Variants in FBXO17 observed in about 807,000 individuals in gnomAD.
FBXO17 encodes the protein F-box protein 17, also known as F-box only protein 17.
A neutral mutation model predicts 34.1 loss-of-function variants in FBXO17; 43 were observed. That is an observed-to-expected ratio of 1.26 (90% CI 0.99 to 1.62). The LOEUF is 1.62. Among genes scored for constraint, FBXO17 ranks in the 40% most tolerant of loss-of-function variants. The pLI, the probability that FBXO17 is intolerant of heterozygous loss-of-function variation, is 0.00. For synonymous variants in FBXO17, 169 were observed against 166.0 expected (o/e 1.02, Z -0.14); for missense variants, 424 against 386.7 (o/e 1.10, Z -0.81).
chr19:38,948,409 C>T (rs999306231), intron 3 of FBXO17, among the ~76,000 whole-genome samples, 158 bp downstream of exon 3: 2 of 152,176 alleles, frequency 1.3e-5, no homozygotes, highest in African/African-American at 4.8e-5. Flanking sequence ...TGAAACAGTA[C>T]CCTCAACAAG....
intron 1 of FBXO17, among the ~76,000 whole-genome samples, chr19:38,955,694 G>A (rs191596114): frequency 1.2e-4 from 18 of 151,886 alleles, no homozygotes; most frequent in African/African-American, 4.3e-4. Context: ...ATGTTGCCCA[G>A]GCTGGTCTTA....
At chr19:38,948,331 G>A (rs1054936122) in intron 3 of FBXO17, among the ~76,000 whole-genome samples, 5 of 152,228 alleles carry the variant, frequency 3.3e-5, no homozygotes, top group Admixed American at 2.6e-4. Context: ...AACTGCAGGC[G>A]ATGATGCACA....
intron 1 of FBXO17, among the ~76,000 whole-genome samples, chr19:38,973,963 A>G (rs1377939894): frequency 2.0e-5 from 3 of 148,984 alleles, no homozygotes; most frequent in African/African-American, 7.4e-5. Context: ...AGCCTGGGCA[A>G]CACAGTTTTG....
chr19:38,960,876 C>T (rs1374169975), intron 1 of FBXO17, among the ~76,000 whole-genome samples: 4 of 146,566 alleles, frequency 2.7e-5, no homozygotes, highest in Admixed American at 1.4e-4. Flanking sequence ...GCATGATCTC[C>T]GCTCACTGCA....
At chr19:38,946,275 G>T in intron 4 of FBXO17, 197 bp downstream of exon 4, 1 of 912,234 alleles carries the variant, frequency 1.1e-6, no homozygotes, top group Non-Finnish European at 1.6e-6. Context: ...GTGGGCAGGA[G>T]TGCAGAGTGG....
chr19:38,966,743 G>T (rs1304600727), intron 1 of FBXO17, among the ~76,000 whole-genome samples: 1 of 152,122 alleles, frequency 6.6e-6, no homozygotes, highest in Non-Finnish European at 1.5e-5. Flanking sequence ...CACAAAAAAG[G>T]AATCCTTTTG....
chr19:38,974,035 T>TATATATATAC (rs1975427632), intron 1 of FBXO17, among the ~76,000 whole-genome samples: 3 of 62,944 alleles, frequency 4.8e-5, no homozygotes, highest in African/African-American at 1.4e-4. Flanking sequence ...TATATATACA[T>TATATATATAC]ATATATATAT....
intron 1 of FBXO17, among the ~76,000 whole-genome samples, chr19:38,961,901 G>A (rs1975255329): frequency 6.6e-6 from 1 of 152,014 alleles, no homozygotes; most frequent in Non-Finnish European, 1.5e-5. Flanking sequence ...GAGCTCAAGT[G>A]ATCCGCCTGC....
rs1048855530 is a variant in FBXO17 at position 38,973,844 on chromosome 19, G to A, written c.-18+1742C>T. ...AATAAAAAAATTAGTGGGGTTTGGTGGGGGGGCGTGCACCTGTAGCCCTAG... is the reference window on the plus strand; with the variant it reads ...AATAAAAAAATTAGTGGGGTTTGGTAGGGGGGCGTGCACCTGTAGCCCTAG... On this transcript the variant is annotated intron_variant, in intron 1 of 5. Coordinates refer to ENST00000292852, the MANE Select transcript of FBXO17 (RefSeq NM_024907.7). Among the ~76,000 whole-genome samples the A allele has an allele frequency of 6.0e-5, 9 of 150,772 alleles. No individual in the cohort carries two copies. The East Asian group carries it at 1.2e-3, about 20-fold the overall frequency.
In FBXO17 at chr19:38,945,018, G is replaced by T. The variant is rs151153509; in HGVS notation, c.644C>A (p.Ser215Ter). 30 of 1,613,950 alleles carry T rather than the reference G, an allele frequency of 1.9e-5. No individual in the cohort carries two copies. The Admixed American group carries it at 5.0e-4, about 27-fold the overall frequency. Residue 215 changes from serine (S) to a stop codon, truncating the protein, a stop_gained, in exon 5 of 6, where the codon TCA becomes TAA. Transcript: ENST00000292852. LOFTEE classifies it high-confidence loss of function. ...CTGAAGGACCGGGTCAGGTGAGGCT[G>T]AGAACTTGACCACTTCCTTTTCATA... ...DVYEKEVVKF[S>*]ASPDPVLQWT...
chr19:38,968,442 C>T (rs960485608), intron 1 of FBXO17, among the ~76,000 whole-genome samples: 5 of 150,146 alleles, frequency 3.3e-5, no homozygotes, highest in African/African-American at 7.4e-5. Context: ...GCTATGAATG[C>T]GCCACCACCC....
At chr19:38,966,645 G>A (rs572345489) in intron 1 of FBXO17, among the ~76,000 whole-genome samples, 27 of 152,152 alleles carry the variant, frequency 1.8e-4, no homozygotes, top group Non-Finnish European at 3.5e-4. Context: ...ACAGAAAAAC[G>A]CCTCTTTCAA....
chr19:38,964,883 A>G (rs1975299843), intron 1 of FBXO17, among the ~76,000 whole-genome samples: 1 of 152,278 alleles, frequency 6.6e-6, no homozygotes, highest in Admixed American at 6.5e-5. Flanking sequence ...TCCCAGCACA[A>G]AGACTGTTTT....
At chr19:38,966,757 T>C (rs1180502353) in intron 1 of FBXO17, among the ~76,000 whole-genome samples, 1 of 152,222 alleles carries the variant, frequency 6.6e-6, no homozygotes, top group African/African-American at 2.4e-5. Context: ...CCTTTTGACC[T>C]GGAGGCTAGG....
At chr19:38,966,116 C>T (rs537870227) in intron 1 of FBXO17, among the ~76,000 whole-genome samples, 10 of 151,270 alleles carry the variant, frequency 6.6e-5, no homozygotes, top group Admixed American at 3.3e-4. Flanking sequence ...ACTACAGGTG[C>T]GCACTACCAC....
At chr19:38,946,055 G>A (rs1974978543) in intron 4 of FBXO17, 2 of 205,200 alleles carry the variant, frequency 9.7e-6, no homozygotes, top group African/African-American at 4.7e-5. Flanking sequence ...TGGGTGTTTT[G>A]GGAAGAAGGC....
At chr19:38,951,354 T>C (rs1196633779) in intron 1 of FBXO17, among the ~76,000 whole-genome samples, 1 of 151,678 alleles carries the variant, frequency 6.6e-6, no homozygotes, top group Admixed American at 6.6e-5. Context: ...ATTTATTGTT[T>C]TGTAGAGATG....
intron 5 of FBXO17, among the ~76,000 whole-genome samples, chr19:38,943,258 G>A (rs1292457852): frequency 6.6e-6 from 1 of 150,752 alleles, no homozygotes; most frequent in Non-Finnish European, 1.5e-5. Context: ...TAAAATTTTC[G>A]TAAAACAAAC....
intron 1 of FBXO17, among the ~76,000 whole-genome samples, chr19:38,965,474 CCCA>C (rs1975308015): frequency 2.0e-5 from 3 of 151,740 alleles, no homozygotes; most frequent in South Asian, 2.1e-4. Flanking sequence ...ACTACAGGCG[CCCA>C]CCACCACATC....
Sources: allele counts gnomAD v4.1 joint callset (sites outside exome capture counted in the v4.1 genomes callset), GRCh38; gene constraint gnomAD v4.1.1; transcripts MANE v1.5; gene names NCBI Gene and HGNC (gene_info 2026-07-23, HGNC 2026-07-21).